SANBR: variants seen among roughly 807,000 people sequenced by gnomAD.
SANBR encodes the protein SANT and BTB domain regulator of class switch recombination.
In SANBR, 77 loss-of-function variants were observed where a neutral mutation model predicts 101.8. The observed-to-expected ratio is 0.76, with a 90% CI of 0.63 to 0.91. The LOEUF is 0.91. SANBR is among the 40% of genes least tolerant of loss of function. The pLI is 0.00. For missense variants in SANBR, 875 were observed against 853.0 expected (o/e 1.03, Z -0.32); for synonymous variants, 279 against 274.7 (o/e 1.02, Z -0.15).
intron 16 of SANBR, among the ~76,000 whole-genome samples, chr2:61,110,781 G>A (rs939968762): frequency 3.3e-5 from 5 of 152,014 alleles, no homozygotes; most frequent in African/African-American, 1.2e-4. Context: ...CCAGGAAGGG[G>A]AGGTTGCAGT....
intron 12 of SANBR, 47 bp downstream of exon 12, chr2:61,097,899 A>G (rs1459772740): frequency 1.3e-6 from 2 of 1,487,028 alleles, no homozygotes; most frequent in Non-Finnish European, 1.9e-6. Flanking sequence ...TTAAAGTATA[A>G]CAGTAATACA....
intron 16 of SANBR, 135 bp downstream of exon 16, chr2:61,109,431 C>A: frequency 2.2e-6 from 1 of 455,052 alleles, no homozygotes; most frequent in Non-Finnish European, 4.0e-6. Context: ...TGAAAGGAGA[C>A]ACCATCAAGA....
rs1684733541 is a variant in SANBR at position 61,132,989 on chromosome 2, T to G, written c.2029-1148T>G. Among the ~76,000 whole-genome samples the G allele has an allele frequency of 1.9e-4, 29 of 152,322 alleles. No individual in the cohort carries two copies. In the South Asian group the frequency reaches 6.0e-3, roughly 32 times the overall value. On this transcript the variant is annotated intron_variant, in intron 20 of 21. Transcript: ENST00000295031. ...GGGACTGGCCAGGTGCAGTGGCTCA[T>G]GCCTGTAATCCCAGCACTTTGGGAG...
At chr2:61,079,088 T>C (rs1247242472) in intron 6 of SANBR, among the ~76,000 whole-genome samples, 1 of 152,048 alleles carries the variant, frequency 6.6e-6, no homozygotes, top group African/African-American at 2.4e-5. Context: ...TATGTTAACA[T>C]GTAAATAGGT....
intron 6 of SANBR, among the ~76,000 whole-genome samples, chr2:61,080,744 A>C (rs1010652402): frequency 6.6e-6 from 1 of 152,136 alleles, no homozygotes; most frequent in African/African-American, 2.4e-5. Context: ...AACAAAAAAA[A>C]ACAAAAAACC....
At chr2:61,128,691 G>A (rs572220083), downstream of SANBR, among the ~76,000 whole-genome samples, 5 of 152,000 alleles carry the variant, frequency 3.3e-5, no homozygotes, top group African/African-American at 7.2e-5. Flanking sequence ...ACGGGGTTTC[G>A]CCATGTTGGT....
intron 8 of SANBR, among the ~76,000 whole-genome samples, chr2:61,086,383 ATAAAT>A (rs1021191362): frequency 8.6e-5 from 13 of 151,898 alleles, no homozygotes; most frequent in African/African-American, 2.7e-4. Flanking sequence ...AATTTATTTA[ATAAAT>A]TAAATTGTTG....
chr2:61,136,831 C>T (rs748048079), intron 21 of SANBR, among the ~76,000 whole-genome samples: 7 of 151,108 alleles, frequency 4.6e-5, no homozygotes, highest in Admixed American at 1.3e-4. Context: ...ATTAGCCAGG[C>T]GTGATGGCAG....
chr2:61,130,485 ATC>A (rs1460665202), intron 20 of SANBR, among the ~76,000 whole-genome samples: 1 of 152,204 alleles, frequency 6.6e-6, no homozygotes, highest in African/African-American at 2.4e-5. Flanking sequence ...ACAGACCAGT[ATC>A]TCTTATGAAT....
downstream of SANBR, among the ~76,000 whole-genome samples, chr2:61,128,974 G>A (rs1302893306): frequency 6.6e-6 from 1 of 152,022 alleles, no homozygotes; most frequent in African/African-American, 2.4e-5. Context: ...AACGAAGGAG[G>A]AGAAGGCAGT....
At chr2:61,125,466 T>C (rs1684486313), downstream of SANBR, among the ~76,000 whole-genome samples, 1 of 152,202 alleles carries the variant, frequency 6.6e-6, no homozygotes, top group South Asian at 2.1e-4. Context: ...TAAGTGGCAT[T>C]TGTAGAAAGA....
intron 13 of SANBR, 82 bp downstream of exon 13, chr2:61,104,080 A>G: frequency 3.2e-6 from 4 of 1,243,622 alleles, no homozygotes; most frequent in Non-Finnish European, 3.4e-6. Flanking sequence ...CCAAATCAGC[A>G]ACGTCAGTCC....
At chr2:61,135,564 C>T (rs1056944815) in intron 21 of SANBR, among the ~76,000 whole-genome samples, 10 of 152,084 alleles carry the variant, frequency 6.6e-5, no homozygotes, top group African/African-American at 9.7e-5. Flanking sequence ...ACATGATAAT[C>T]GTTAAAAGAC....
rs191106430 is a variant in SANBR, at chr2:61,104,437, G to A, written c.1511+439G>A. 4.3e-3 allele frequency among the ~76,000 whole-genome samples: 650 copies of A among 151,360 alleles called. 2 individuals carry two copies. The highest frequency in any genetic ancestry group is 0.015 in the African/African-American group (603 of 41,248). Reference sequence around the variant, plus strand: ...GTGGAGCTGGCAGTGAGCCAAGATCGTGCCACTGCACTCCAGCCTGGGTGA... The same window carrying A: ...GTGGAGCTGGCAGTGAGCCAAGATCATGCCACTGCACTCCAGCCTGGGTGA... On this transcript the variant is annotated intron_variant, in intron 13 of 21. Transcript: ENST00000402291.
At chr2:61,098,130 G>A (rs183545287) in intron 12 of SANBR, among the ~76,000 whole-genome samples, 4 of 145,880 alleles carry the variant, frequency 2.7e-5, no homozygotes, top group Non-Finnish European at 1.5e-5. Context: ...TTGAGATGGG[G>A]TCTCGCTCTG....
rs895891828 is a variant in SANBR at position 61,083,983 on chromosome 2, C to T, written c.890+669C>T. Among the ~76,000 whole-genome samples, 8 of 151,812 alleles carry T rather than the reference C, an allele frequency of 5.3e-5. No individual in the cohort carries two copies. In the East Asian group the frequency reaches 5.8e-4, roughly 11 times the overall value. ...TTAGCTTATTATTATTATTTTGAGA[C>T]GGTCTCTCTCTGTCGCCCAGGCTGG... On this transcript the variant is annotated intron_variant, in intron 8 of 21. Coordinates refer to ENST00000402291, the MANE Select transcript of SANBR (RefSeq NM_001129993.3).
chr2:61,097,492 C>A (rs1469472688), intron 11 of SANBR, among the ~76,000 whole-genome samples: 1 of 152,054 alleles, frequency 6.6e-6, no homozygotes, highest in African/African-American at 2.4e-5. Context: ...TCCATCACCT[C>A]AAAAAGATCC....
In SANBR at chr2:61,088,359, T is replaced by C; in HGVS notation, c.979T>C (p.Cys327Arg). 6.3e-7 allele frequency: 1 copy of C among 1,584,922 alleles called. No homozygotes were observed. The highest frequency in any genetic ancestry group is 8.6e-7 in the Non-Finnish European group (1 of 1,166,578). The stretch of plus-strand genomic sequence containing the variant: ...TTTTTGTATCTTCTTTGTTTATAGA[T>C]GCTGTTTGTGTAAGAAACTTTTAAC... ...SRSNAATLYR[C>R]CLCKKLLTKE... Residue 327 changes from cysteine to arginine, a missense_variant and splice_region_variant, in exon 10 of 22, where the codon TGC becomes CGC. Cys to Arg is a radical substitution (Grantham distance 180). Transcript: ENST00000402291.
chr2:61,089,037 T>G, intron 10 of SANBR: 1 of 958,934 alleles, frequency 1.0e-6, no homozygotes, highest in Non-Finnish European at 1.2e-6. Context: ...TTGAAAGGTA[T>G]TCTGGTTAGT....
Sources: gnomAD v4.1 joint callset for allele counts (sites outside exome capture counted in the v4.1 genomes callset) on GRCh38, gnomAD v4.1.1 for gene constraint, MANE v1.5 for transcripts, NCBI Gene and HGNC (gene_info 2026-07-23, HGNC 2026-07-21) for gene names.